AKT1S1: variants seen among roughly 807,000 people sequenced by gnomAD.
AKT1S1 encodes the protein AKT1 substrate 1.
A neutral mutation model predicts 21.2 loss-of-function variants in AKT1S1; 17 were observed. That is an observed-to-expected ratio of 0.80 (90% CI 0.55 to 1.20). The LOEUF (loss-of-function observed/expected upper bound fraction) is 1.20, where lower values mean the gene tolerates loss of function less well. AKT1S1 is among the 50% of genes most tolerant of loss of function. The probability of loss-of-function intolerance (pLI) is 0.00; values close to 1 mark genes in which losing one functional copy is unlikely to be tolerated. For synonymous variants in AKT1S1, 181 were observed against 165.6 expected (o/e 1.09, Z -0.72); for missense variants, 366 against 368.3 (o/e 0.99, Z 0.05).
At chr19:49,874,629 G>A (rs998227767) in intron 1 of AKT1S1, 3 of 152,328 alleles carry the variant, frequency 2.0e-5, no homozygotes, top group Admixed American at 1.3e-4. Context: ...AGAAGAGCGA[G>A]GGCAGGGGGG....
At chr19:49,876,160 C>G (rs2074940616) in intron 1 of AKT1S1, 1 of 1,000,538 alleles carries the variant, frequency 1.0e-6, no homozygotes, top group African/African-American at 1.7e-5. Flanking sequence ...ATGGGGTGAG[C>G]GCCTGGGGCC....
At chr19:49,871,785 G>C (rs781763320) in intron 3 of AKT1S1, 27 bp downstream of exon 3, 21 of 1,611,524 alleles carry the variant, frequency 1.3e-5, no homozygotes, top group Non-Finnish European at 1.8e-5. Context: ...CCCTCAGGTC[G>C]GGAGGGGAAC....
chr19:49,872,869 G>A (rs1367794994), intron 2 of AKT1S1, 48 bp downstream of exon 2: 2 of 1,561,796 alleles, frequency 1.3e-6, no homozygotes, highest in Admixed American at 1.8e-5. Flanking sequence ...GCCTCCTGCG[G>A]GCACCTCAAG....
upstream of AKT1S1, chr19:49,878,248 T>C: frequency 6.4e-7 from 1 of 1,555,440 alleles, no homozygotes; most frequent in Non-Finnish European, 8.7e-7. Context: ...AAAGGTGCGC[T>C]GGGAGGGAGC....
intron 1 of AKT1S1, chr19:49,876,712 C>G (rs1600438100): frequency 7.1e-7 from 1 of 1,415,178 alleles, no homozygotes; most frequent in Admixed American, 3.1e-5. Flanking sequence ...GCACACTCCG[C>G]CTCCCTTATC....
chr19:49,872,185 C>T (rs1295415864), intron 2 of AKT1S1, among the ~76,000 whole-genome samples: 3 of 152,196 alleles, frequency 2.0e-5, no homozygotes, highest in African/African-American at 7.2e-5. Context: ...CTTAGAGAAA[C>T]ATGCAATGAC....
At chr19:49,870,561 C>T (rs1329568952) in intron 4 of AKT1S1, among the ~76,000 whole-genome samples, 1 of 152,186 alleles carries the variant, frequency 6.6e-6, no homozygotes, top group African/African-American at 2.4e-5. Context: ...GTGGCCACTG[C>T]GCTACAGAAA....
At chr19:49,877,711 T>A (rs762855544), upstream of AKT1S1, 5 of 1,600,492 alleles carry the variant, frequency 3.1e-6, no homozygotes, top group South Asian at 5.7e-5. Context: ...CAGTGGGGCC[T>A]TCGGCGGCGA....
Position 49,871,703 on chromosome 19 carries a change from G to T in AKT1S1, c.471C>A (p.Ser157Arg), listed in dbSNP as rs145854677. The change falls in exon 4 of 5, where the codon AGC (serine) becomes AGA (arginine). Residue 157 changes from serine (S) to arginine (R), a missense_variant. Transcript: ENST00000344175. ...TGGGGGGGCCGGCGGGGGTCTCCTC[G>T]CTCAGGCTGCCATCTGAAAGAGAGG... ...DPESTDDGSLSEETPAGPPTC... is the reference protein window; with the variant it reads ...DPESTDDGSLREETPAGPPTC... The T allele has an allele frequency of 1.2e-6, 2 of 1,612,610 alleles. No homozygotes were observed. The highest frequency in any genetic ancestry group is 1.7e-6 in the Non-Finnish European group (2 of 1,179,336).
intron 1 of AKT1S1, chr19:49,876,455 G>A (rs1388545596): frequency 1.7e-6 from 2 of 1,149,614 alleles, no homozygotes; most frequent in East Asian, 3.2e-5. Context: ...CCCTTCCAGC[G>A]CTCAGCAAAG....
In AKT1S1 at chr19:49,873,532, C is replaced by A. The variant is rs1443306329; in HGVS notation, c.-7-230G>T. ...TCTGCCCCAACCCATTCCTCCTGCCCCAAGTCACTGTACTCCTTCCCCTTT... is the reference window on the plus strand; with the variant it reads ...TCTGCCCCAACCCATTCCTCCTGCCACAAGTCACTGTACTCCTTCCCCTTT... On this transcript the variant is annotated intron_variant, in intron 1 of 4. Coordinates refer to ENST00000344175, the MANE Select transcript of AKT1S1 (RefSeq NM_001098633.4). This position sits in a 1 kb window ranked among gnomAD's most constrained non-coding sequence, Gnocchi z 6.9. 1.3e-6 allele frequency: 1 copy of A among 749,322 alleles called. No homozygotes were observed. The highest frequency in any genetic ancestry group is 1.9e-5 in the African/African-American group (1 of 53,288). The allele number at this position is 749,322 out of a possible 1,614,324, so 46.4% of individuals were successfully genotyped here. A position where few individuals can be genotyped will look rare whatever the true frequency, so the allele number is the denominator to read the frequency against.
chr19:49,872,062 C>A (rs376701529), intron 2 of AKT1S1, among the ~76,000 whole-genome samples, 173 bp from the exon 3 acceptor site: 1 of 152,192 alleles, frequency 6.6e-6, no homozygotes, highest in Non-Finnish European at 1.5e-5. Flanking sequence ...GCCTGGTCAT[C>A]GGCAAAAACC....
At chr19:49,872,618 G>A (rs1048732864) in intron 2 of AKT1S1, among the ~76,000 whole-genome samples, 49 of 152,226 alleles carry the variant, frequency 3.2e-4, no homozygotes, top group Non-Finnish European at 6.2e-4. Context: ...AACCCCCACC[G>A]GGACTCCAGT....
chr19:49,877,813 T>A (rs1034482235), upstream of AKT1S1: 3 of 1,522,292 alleles, frequency 2.0e-6, no homozygotes, highest in African/African-American at 4.1e-5. Context: ...TCAGCTCTTC[T>A]CTCAGGCCTT....
rs2074862855 is a variant in AKT1S1 at position 49,869,851 on chromosome 19, G to C, written c.*66C>G. ...GATCGGCCTCAGATTAGCAGGCCCC[G>C]GGAGTGGGGCGGGGGCGTAGTGTGG... On this transcript the variant is annotated 3_prime_UTR_variant, in exon 5 of 5. Transcript: ENST00000344175. The C allele has an allele frequency of 7.3e-7, 1 of 1,365,680 alleles. No individual in the cohort carries two copies. Among genetic ancestry groups the C allele is most frequent in the Admixed American group, 3.1e-5 (1 of 32,340 alleles). The allele number at this position is 1,365,680 out of a possible 1,614,324, so 84.6% of individuals were successfully genotyped here.
In AKT1S1 at chr19:49,870,034, G is replaced by A. The variant is rs766848323; in HGVS notation, c.654C>T (p.Ile218=). Residue 218 remains isoleucine (I), a synonymous_variant, in exon 5 of 5, where the codon ATC becomes ATT. Coordinates refer to ENST00000344175, the MANE Select transcript of AKT1S1 (RefSeq NM_001098633.4). ...GPPSSPDLDR[I]AASMRALVLR... is the part of the protein sequence containing the mutation. Reference sequence around the variant, plus strand: ...GCACCAGCGCGCGCATGCTCGCCGCGATGCGGTCCAGGTCGGGCGAAGAGG... The same window carrying A: ...GCACCAGCGCGCGCATGCTCGCCGCAATGCGGTCCAGGTCGGGCGAAGAGG... The A allele has an allele frequency of 2.3e-5, 36 of 1,555,630 alleles. No individual in the cohort carries two copies. Among genetic ancestry groups the A allele is most frequent in the Non-Finnish European group, 3.0e-5 (35 of 1,148,584 alleles).
chr19:49,877,401 G>T, upstream of AKT1S1: 1 of 413,202 alleles, frequency 2.4e-6, no homozygotes, highest in South Asian at 3.8e-5. Context: ...GAAGGAAGTG[G>T]GCGTTTCAAG....
At chr19:49,877,836 TC>T (rs1257595416), upstream of AKT1S1, 32 of 1,442,338 alleles carry the variant, frequency 2.2e-5, no homozygotes, top group Admixed American at 4.4e-4. Flanking sequence ...CTCTCGAGAA[TC>T]CGGCACGGCC....
In AKT1S1 at chr19:49,872,978, G is replaced by A. The variant is rs779330190; in HGVS notation, c.318C>T (p.Asp106=). The A allele has an allele frequency of 1.5e-5, 24 of 1,599,446 alleles. No individual in the cohort carries two copies. Among genetic ancestry groups the A allele is most frequent in the Admixed American group, 1.0e-4 (6 of 58,596 alleles). The change falls in exon 2 of 5, where the codon GAC becomes GAT. Residue 106 remains aspartate (D), a synonymous_variant. Transcript: ENST00000344175. ...TCTCTGTCTCTGTGGGCTCATCCTC[G>A]TCCTCCTCGTTGTCCTCTCTGGCCA... ...PTLAREDNEE[D]EDEPTETETS...
Sources: gnomAD v4.1 joint callset for allele counts (sites outside exome capture counted in the v4.1 genomes callset) on GRCh38, gnomAD v4.1.1 for gene constraint, Gnocchi (gnomAD v3.1) non-coding constraint, MANE v1.5 for transcripts, NCBI Gene and HGNC (gene_info 2026-07-23, HGNC 2026-07-21) for gene names.